ODF1: variants seen among roughly 807,000 people sequenced by gnomAD.
The protein encoded by ODF1 is outer dense fiber of sperm tails 1, also known as outer dense fiber protein 1.
A neutral mutation model predicts 24.0 loss-of-function variants in ODF1; 10 were observed. The ratio of observed to expected loss-of-function variants is 0.42; its 90% CI spans 0.26 to 0.71. The LOEUF (loss-of-function observed/expected upper bound fraction) is 0.71, where lower values mean the gene tolerates loss of function less well. Ranked by LOEUF, ODF1 falls within the 30% of genes least tolerant of loss-of-function variation. The pLI is 0.28. For missense variants in ODF1, 282 were observed against 307.9 expected (o/e 0.92, Z 0.63); for synonymous variants, 118 against 121.3 (o/e 0.97, Z 0.18).
At chr8:102,553,369 T>C (rs1167545516) in intron 1 of ODF1, among the ~76,000 whole-genome samples, 1 of 101,894 alleles carries the variant, frequency 9.8e-6, no homozygotes, top group Admixed American at 9.6e-5. Flanking sequence ...AAAGTGAGAC[T>C]GTCTCAAAAA....
At chr8:102,559,427 C>A (rs569680833) in intron 1 of ODF1, among the ~76,000 whole-genome samples, 1 of 151,612 alleles carries the variant, frequency 6.6e-6, no homozygotes, top group Non-Finnish European at 1.5e-5. Flanking sequence ...CAGAGGAGAG[C>A]CCTAATATGT....
In ODF1 at chr8:102,551,694, A is replaced by T. The variant is rs751297816; in HGVS notation, c.-34A>T. ...ATTTTTTCCCGGAGTGCCATTTCCC[A>T]AAGGTACTCACAGAACAATCAGGTG... On this transcript the variant is annotated 5_prime_UTR_variant, in exon 1 of 2. Coordinates refer to ENST00000285402, the MANE Select transcript of ODF1 (RefSeq NM_024410.4). The T allele has an allele frequency of 1.5e-4, 234 of 1,515,502 alleles. No homozygotes were observed. Among genetic ancestry groups the T allele is most frequent in the Non-Finnish European group, 2.0e-4 (230 of 1,127,126 alleles). 93.9% of individuals were successfully genotyped at this position (1,515,502 alleles called of 1,614,324 possible).
intron 1 of ODF1, among the ~76,000 whole-genome samples, chr8:102,555,471 T>C (rs2436896): frequency 6.6e-6 from 1 of 152,094 alleles, no homozygotes; most frequent in Non-Finnish European, 1.5e-5. Context: ...AAGTGTCTGT[T>C]GTTGGCACGA....
At chr8:102,553,327 A>G (rs1012879524) in intron 1 of ODF1, among the ~76,000 whole-genome samples, 7 of 150,806 alleles carry the variant, frequency 4.6e-5, no homozygotes, top group African/African-American at 1.7e-4. Context: ...CAGTGAGCCA[A>G]GATTGCACCA....
Position 102,554,442 on chromosome 8 carries a change from G to A in ODF1, c.320+2395G>A, listed in dbSNP as rs572758244. On this transcript the variant is annotated intron_variant, in intron 1 of 1. Coordinates refer to ENST00000285402, the MANE Select transcript of ODF1 (RefSeq NM_024410.4). Reference sequence around the variant, plus strand: ...GTCCAGAAGGTTCTTTGCCCAATATGAAGTAAAGACTCTATAGTCTATAGT... The same window carrying A: ...GTCCAGAAGGTTCTTTGCCCAATATAAAGTAAAGACTCTATAGTCTATAGT... Among the ~76,000 whole-genome samples, 6 of 152,272 alleles carry A rather than the reference G, an allele frequency of 3.9e-5. No homozygotes were observed. The East Asian group carries it at 1.2e-3, about 29-fold the overall frequency.
chr8:102,551,726 TA>T lies in ODF1; in HGVS notation c.1del. 6.3e-7 allele frequency: 1 copy of T among 1,582,070 alleles called. No individual in the cohort carries two copies. The highest frequency in any genetic ancestry group is 1.3e-5 in the African/African-American group (1 of 74,624). Reference sequence around the variant, plus strand: ...CTCACAGAACAATCAGGTGTGACCATAATGGCTGCACTGAGTTGTCTCTTGG... The same window carrying T: ...CTCACAGAACAATCAGGTGTGACCATATGGCTGCACTGAGTTGTCTCTTGG... On this transcript the variant is annotated 5_prime_UTR_variant, in exon 1 of 2. Transcript: ENST00000285402.
chr8:102,557,548 A>G (rs1038179009), intron 1 of ODF1, among the ~76,000 whole-genome samples: 15 of 152,200 alleles, frequency 9.9e-5, no homozygotes, highest in African/African-American at 3.6e-4. Context: ...AATACATGAA[A>G]TTGTGCCCTG....
chr8:102,554,546 A>G (rs1826088289), intron 1 of ODF1, among the ~76,000 whole-genome samples: 2 of 152,218 alleles, frequency 1.3e-5, no homozygotes, highest in African/African-American at 4.8e-5. Flanking sequence ...AATAACTGGT[A>G]AAAAGCCTCA....
intron 1 of ODF1, among the ~76,000 whole-genome samples, chr8:102,554,366 G>T (rs1275174230): frequency 6.6e-6 from 1 of 152,184 alleles, no homozygotes; most frequent in Non-Finnish European, 1.5e-5. Flanking sequence ...TTTAAAGAAT[G>T]CAAGGGGGTT....
intron 1 of ODF1, among the ~76,000 whole-genome samples, chr8:102,553,206 CAAAA>C (rs71276450): frequency 2.0e-3 from 250 of 124,196 alleles, no homozygotes; most frequent in Middle Eastern, 4.1e-3. Context: ...CTACTAAATA[CAAAA>C]AAAAAAAAAA....
chr8:102,557,186 A>G (rs2511708), intron 1 of ODF1, among the ~76,000 whole-genome samples: 128,143 of 152,052 alleles, frequency 0.84, 54,294 homozygotes, highest in Middle Eastern at 0.88. Flanking sequence ...GTTTATTGAG[A>G]CTAAGCTTCG....
At chr8:102,553,030 G>A (rs1349050743) in intron 1 of ODF1, among the ~76,000 whole-genome samples, 1 of 149,618 alleles carries the variant, frequency 6.7e-6, no homozygotes, top group Non-Finnish European at 1.5e-5. Context: ...TAGATAGATA[G>A]AGTCTCTTGA....
At chr8:102,553,949 C>T (rs768372784) in intron 1 of ODF1, among the ~76,000 whole-genome samples, 3 of 152,198 alleles carry the variant, frequency 2.0e-5, no homozygotes, top group Admixed American at 6.5e-5. Flanking sequence ...TTCTGGATCT[C>T]GGAAATGATA....
At chr8:102,559,936 A>G (rs544052832) in intron 1 of ODF1, among the ~76,000 whole-genome samples, 4 of 150,656 alleles carry the variant, frequency 2.7e-5, no homozygotes, top group African/African-American at 7.4e-5. Context: ...TAATTTTTAT[A>G]TAATTTAATT....
At chr8:102,559,105 G>A (rs1430874401) in intron 1 of ODF1, among the ~76,000 whole-genome samples, 1 of 148,330 alleles carries the variant, frequency 6.7e-6, no homozygotes, top group African/African-American at 2.5e-5. Flanking sequence ...AAGTATTATT[G>A]TAAATATTTT....
chr8:102,560,922 T>C lies in ODF1; in HGVS notation c.*38T>C. 1 of 1,547,858 alleles carries C rather than the reference T, an allele frequency of 6.5e-7. No homozygotes were observed. Among genetic ancestry groups the C allele is most frequent in the Non-Finnish European group, 8.8e-7 (1 of 1,142,192 alleles). On this transcript the variant is annotated 3_prime_UTR_variant, in exon 2 of 2. Transcript: ENST00000285402. The stretch of plus-strand genomic sequence containing the variant: ...AACCCATTACTTAATAGAAGTCAGT[T>C]ACTCCAGCCAGGCAGCTCTCCCAAT...
chr8:102,557,337 T>C (rs1030459469), intron 1 of ODF1, among the ~76,000 whole-genome samples: 4 of 152,124 alleles, frequency 2.6e-5, no homozygotes, highest in African/African-American at 7.2e-5. Context: ...ATGAGTAAAA[T>C]GTGGCTTCTG....
intron 1 of ODF1, among the ~76,000 whole-genome samples, chr8:102,555,278 C>G (rs1328234589): frequency 6.6e-6 from 1 of 152,164 alleles, no homozygotes; most frequent in East Asian, 1.9e-4. Flanking sequence ...TGTCTTAGAG[C>G]CGGAGAAACA....
intron 1 of ODF1, among the ~76,000 whole-genome samples, chr8:102,556,724 G>C (rs1446549101): frequency 6.6e-6 from 1 of 152,136 alleles, no homozygotes; most frequent in African/African-American, 2.4e-5. Flanking sequence ...CAAAAGCCTG[G>C]AGAAGAGAGA....
Sources: allele counts gnomAD v4.1 joint callset (sites outside exome capture counted in the v4.1 genomes callset), GRCh38; gene constraint gnomAD v4.1.1; transcripts MANE v1.5; gene names NCBI Gene and HGNC (gene_info 2026-07-23, HGNC 2026-07-21).